The following COL18A1 variants were observed in gnomAD, a reference collection of about 807,000 sequenced individuals.
The protein encoded by COL18A1 is collagen alpha-1(XVIII) chain.
In COL18A1, 133 loss-of-function variants were observed where a neutral mutation model predicts 168.0. That is an observed-to-expected ratio of 0.79 (90% CI 0.69 to 0.91). COL18A1 has a LOEUF of 0.91. Ranked by LOEUF, COL18A1 falls within the 40% of genes least tolerant of loss-of-function variation. COL18A1 has a pLI of 0.00. For missense variants in COL18A1, 2,126 were observed against 1,925.4 expected (o/e 1.10, Z -1.95); for synonymous variants, 949 against 809.0 (o/e 1.17, Z -2.94).
At chr21:45,453,330 C>T (rs1044036373) in intron 2 of COL18A1, among the ~76,000 whole-genome samples, 2 of 152,168 alleles carry the variant, frequency 1.3e-5, no homozygotes, top group East Asian at 1.9e-4. Context: ...ACATATATGG[C>T]ATAGCTAAGC....
chr21:45,501,699 CACA>C (rs2036841830), intron 32 of COL18A1, among the ~76,000 whole-genome samples: 1 of 148,420 alleles, frequency 6.7e-6, no homozygotes, highest in Non-Finnish European at 1.5e-5. Flanking sequence ...CCAGGGGCTC[CACA>C]GCCGGTCACC....
At chr21:45,432,813 C>T (rs1193856092) in intron 2 of COL18A1, among the ~76,000 whole-genome samples, 3 of 152,222 alleles carry the variant, frequency 2.0e-5, no homozygotes, top group African/African-American at 7.2e-5. Context: ...CAAAAGCCTG[C>T]TCTGTGAGCC....
Position 45,497,649 on chromosome 21 carries a change from C to G in COL18A1, c.2671C>G (p.Pro891Ala). The change falls in exon 32 of 42, where the codon CCC becomes GCC. Residue 891 changes from proline to alanine, a missense_variant. Transcript: ENST00000651438. ...PKGAKGEVGP[P>A]GPPGQFPFDF... is the part of the protein sequence containing the mutation. ...GGGCGCCAAAGGAGAAGTGGGCCCCCCCGGACCACCAGGTGAGCAACTCTG... is the reference window on the plus strand; with the variant it reads ...GGGCGCCAAAGGAGAAGTGGGCCCCGCCGGACCACCAGGTGAGCAACTCTG... 1.9e-6 allele frequency: 3 copies of G among 1,567,832 alleles called. No homozygotes were observed. Among genetic ancestry groups the G allele is most frequent in the Non-Finnish European group, 2.6e-6 (3 of 1,156,760 alleles).
At chr21:45,472,491 G>A (rs1383055764) in intron 3 of COL18A1, among the ~76,000 whole-genome samples, 4 of 152,178 alleles carry the variant, frequency 2.6e-5, no homozygotes, top group African/African-American at 4.8e-5. Flanking sequence ...GATTACAGGC[G>A]TGAGCCACTG....
In COL18A1 at chr21:45,486,998, T is replaced by C; in HGVS notation, c.1833+6T>C. On this transcript the variant is annotated splice_donor_region_variant and intron_variant, in intron 16 of 41. Transcript: ENST00000651438. ...CAGGACTCCCCGCTGGATTTGTGAGTACCGCCTACACCTGACCCCCTGGAG... is the reference window on the plus strand; with the variant it reads ...CAGGACTCCCCGCTGGATTTGTGAGCACCGCCTACACCTGACCCCCTGGAG... The C allele has an allele frequency of 6.6e-7, 1 of 1,522,954 alleles. No individual in the cohort carries two copies. The highest frequency in any genetic ancestry group is 1.4e-5 in the African/African-American group (1 of 71,218). The allele number at this position is 1,522,954 out of a possible 1,614,324, so 94.3% of individuals were successfully genotyped here.
chr21:45,437,364 A>ACACT (rs2034162583), intron 2 of COL18A1, among the ~76,000 whole-genome samples: 1 of 112,860 alleles, frequency 8.9e-6, no homozygotes, highest in Non-Finnish European at 1.7e-5. Context: ...CTGCGCACAC[A>ACACT]CACACACTCA....
intron 8 of COL18A1, 44 bp from the exon 9 acceptor site, chr21:45,478,283 G>A (rs1372240006): frequency 1.1e-5 from 17 of 1,613,660 alleles, no homozygotes; most frequent in Non-Finnish European, 1.4e-5. Flanking sequence ...GGTGGCGCCG[G>A]AGGAGTCATT....
At chr21:45,483,095 G>A (rs1397248946) in intron 15 of COL18A1, among the ~76,000 whole-genome samples, 2 of 152,260 alleles carry the variant, frequency 1.3e-5, no homozygotes, top group Non-Finnish European at 2.9e-5. Context: ...ACGCGCCCTG[G>A]AAGCTGAGCT....
chr21:45,414,968 G>A (rs1016658468), intron 2 of COL18A1, among the ~76,000 whole-genome samples: 4 of 152,172 alleles, frequency 2.6e-5, no homozygotes, highest in South Asian at 2.1e-4. Flanking sequence ...AGATGGAGCC[G>A]CTGGGGAGGG....
chr21:45,411,694 C>T (rs1275643378), intron 2 of COL18A1, among the ~76,000 whole-genome samples: 8 of 143,592 alleles, frequency 5.6e-5, no homozygotes, highest in African/African-American at 2.1e-4. Flanking sequence ...CTGACACAGG[C>T]GAGGGCTTCG....
rs578241266 is a variant in COL18A1 at position 45,477,308 on chromosome 21, A to G, written c.929-103A>G. The G allele has an allele frequency of 2.1e-4, 183 of 873,788 alleles. 2 individuals carry two copies. In the South Asian group the frequency reaches 2.6e-3, roughly 12 times the overall value. 54.1% of individuals were successfully genotyped at this position (873,788 alleles called of 1,614,324 possible). On this transcript the variant is annotated intron_variant, in intron 6 of 41. Transcript: ENST00000651438. ...ATCTGACAGTGTCCAGCCGGGCTCC[A>G]GGACTGAAAGCGTTTGGGCTGCCGG...
rs776393721 is a variant in COL18A1 at position 45,421,468 on chromosome 21, G to T, written c.106+15995G>T. 8 of 534,502 alleles carry T rather than the reference G, an allele frequency of 1.5e-5. No individual in the cohort carries two copies. In the African/African-American group the frequency reaches 1.5e-4, roughly 10 times the overall value. 33.1% of individuals were successfully genotyped at this position (534,502 alleles called of 1,614,324 possible). ...CAGTGACAGCCCTGGCGTCTCAGGA[G>T]CGGAGCAGGACACCGCGTTTCTGGC... On this transcript the variant is annotated intron_variant, in intron 2 of 41. Transcript: ENST00000651438.
intron 39 of COL18A1, 64 bp from the exon 40 acceptor site, chr21:45,509,999 CG>C: frequency 6.6e-7 from 1 of 1,508,594 alleles, no homozygotes; most frequent in Non-Finnish European, 8.9e-7. Context: ...CGGGGTGGTG[CG>C]CCCGGGGCCT....
chr21:45,437,102 T>TGCAC (rs1555972203), intron 2 of COL18A1, among the ~76,000 whole-genome samples: 1 of 108,192 alleles, frequency 9.2e-6, no homozygotes, highest in Non-Finnish European at 1.8e-5. Flanking sequence ...GGCACTCTCC[T>TGCAC]GCACACACAC....
Position 45,505,238 on chromosome 21 carries a change from C to CCCCCCAGGG in COL18A1, c.2979_2987dup (p.Gly994_Pro996dup), listed in dbSNP as rs781660752. 6.9e-6 allele frequency: 11 copies of CCCCCCAGGG among 1,598,496 alleles called. No individual in the cohort carries two copies. The highest frequency in any genetic ancestry group is 2.7e-5 in the African/African-American group (2 of 74,662). ...GCCAGGGCCCTCCCGGCCCCCCAGGCCCCCCAGGGCCCCCTTCATTTCCTG... is the reference window on the plus strand; with the variant it reads ...GCCAGGGCCCTCCCGGCCCCCCAGGCCCCCCAGGGCCCCCAGGGCCCCCTTCATTTCCTG... On this transcript the variant is annotated inframe_insertion, in exon 35 of 42. Coordinates refer to ENST00000651438, the MANE Select transcript of COL18A1 (RefSeq NM_001379500.1).
intron 31 of COL18A1, 93 bp downstream of exon 31, chr21:45,497,185 C>A (rs925820214): frequency 2.3e-6 from 2 of 859,080 alleles, no homozygotes; most frequent in African/African-American, 3.3e-5. Flanking sequence ...AGTGAGACTC[C>A]CCCAGTGGCC....
intron 26 of COL18A1, 147 bp from the exon 27 acceptor site, chr21:45,494,398 C>G: frequency 8.5e-7 from 1 of 1,180,458 alleles, no homozygotes; most frequent in Non-Finnish European, 1.2e-6. Context: ...CCAGTGCACC[C>G]AAAGGGACCA....
chr21:45,417,227 T>G (rs143233622), intron 2 of COL18A1, among the ~76,000 whole-genome samples: 2,004 of 152,266 alleles, frequency 0.013, 39 homozygotes, highest in African/African-American at 0.042. Flanking sequence ...TGCTGGTTTT[T>G]GTATTTCACG....
chr21:45,487,475 T>C lies in COL18A1; in HGVS notation c.1862T>C (p.Phe621Ser). The change falls in exon 17 of 42, where the codon TTC becomes TCC. Residue 621 changes from phenylalanine to serine, a missense_variant. By Grantham distance (155) the Phe-to-Ser change is radical (BLOSUM62 -2). Coordinates refer to ENST00000651438, the MANE Select transcript of COL18A1 (RefSeq NM_001379500.1). ...GACATGGAAGGCTCCGGGGGGCCCT[T>C]CTGGTCAACAGCCCGAAGCGCTGAT... ...FDDMEGSGGPFWSTARSADGP... is the reference protein window; with the variant it reads ...FDDMEGSGGPSWSTARSADGP... 6.2e-7 allele frequency: 1 copy of C among 1,613,124 alleles called. No homozygotes were observed. The highest frequency in any genetic ancestry group is 8.5e-7 in the Non-Finnish European group (1 of 1,179,972).
Sources: allele counts gnomAD v4.1 joint callset (sites outside exome capture counted in the v4.1 genomes callset), GRCh38; gene constraint gnomAD v4.1.1; transcripts MANE v1.5; gene names NCBI Gene and HGNC (gene_info 2026-07-23, HGNC 2026-07-21).